Variants in PBRM1 observed in about 807,000 individuals in gnomAD.
PBRM1 encodes the protein protein polybromo-1.
In PBRM1, 27 loss-of-function variants were observed where a neutral mutation model predicts 194.5. That is an observed-to-expected ratio of 0.14 (90% CI 0.10 to 0.19). The LOEUF is 0.19. PBRM1 is among the 10% of genes least tolerant of loss of function. The pLI is 1.00. For synonymous variants in PBRM1, 655 were observed against 693.2 expected, an observed-to-expected ratio of 0.94 and a Z score of 0.87; for missense variants, 1,466 against 2,077.2, an observed-to-expected ratio of 0.71 and a Z score of 5.72.
exon 13 of PBRM1, chr3:52,627,348 C>T (rs2153580203): frequency 6.2e-7 from 1 of 1,613,084 alleles, no homozygotes; most frequent in Non-Finnish European, 8.5e-7. Flanking sequence ...ATCGTCTCTC[C>T]TGGCAAGCTC....
At chr3:52,619,252 T>C (rs1232958299) in intron 13 of PBRM1, among the ~76,000 whole-genome samples, 5 of 152,218 alleles carry the variant, frequency 3.3e-5, no homozygotes, top group Admixed American at 2.0e-4. Context: ...CATCCCTTGG[T>C]ATTCATGGGG....
chr3:52,598,790 G>A (rs1478716063), intron 17 of PBRM1, among the ~76,000 whole-genome samples: 1 of 152,176 alleles, frequency 6.6e-6, no homozygotes, highest in African/African-American at 2.4e-5. Context: ...GGAGGCGGAA[G>A]CAGGCAGATG....
intron 11 of PBRM1, among the ~76,000 whole-genome samples, chr3:52,634,386 G>A (rs113304316): frequency 8.6e-5 from 12 of 140,284 alleles, no homozygotes; most frequent in East Asian, 8.4e-4. Context: ...GCAGTGAGCC[G>A]AGATCACGCC....
At chr3:52,587,589 T>A (rs1358905563) in intron 18 of PBRM1, 79 bp from the exon 21 acceptor site, 15 of 1,058,772 alleles carry the variant, frequency 1.4e-5, no homozygotes, top group Non-Finnish European at 2.0e-5. Context: ...TTTTTTTTTT[T>A]TAAAGAGACT....
In PBRM1 at chr3:52,601,920, C is replaced by T. The variant is rs141976139; in HGVS notation, c.2779+1601G>A. Reference sequence around the variant, plus strand: ...ATGATAGGTGAGCTAGTACCCGGACCGACAGGTAACACATGAAGATGGGTG... The same window carrying T: ...ATGATAGGTGAGCTAGTACCCGGACTGACAGGTAACACATGAAGATGGGTG... On this transcript the variant is annotated intron_variant, in intron 17 of 29. Transcript: ENST00000296302. 5.2e-3 allele frequency among the ~76,000 whole-genome samples: 797 copies of T among 152,192 alleles called. 9 individuals carry two copies. The highest frequency in any genetic ancestry group is 0.018 in the African/African-American group (734 of 41,522).
intron 20 of PBRM1, among the ~76,000 whole-genome samples, chr3:52,581,500 CAAAA>C (rs1286694923): frequency 1.4e-5 from 1 of 73,918 alleles, no homozygotes; most frequent in Admixed American, 1.5e-4. Flanking sequence ...GACTCTGTCT[CAAAA>C]AAAAAAAAAA....
intron 13 of PBRM1, among the ~76,000 whole-genome samples, chr3:52,621,809 T>A (rs546342708): frequency 6.6e-6 from 1 of 152,244 alleles, no homozygotes; most frequent in South Asian, 2.1e-4. Flanking sequence ...CTCAGCACTT[T>A]GGGAGGCTGA....
At chr3:52,680,788 A>G (rs144304440), upstream of PBRM1, among the ~76,000 whole-genome samples, 6 of 152,074 alleles carry the variant, frequency 3.9e-5, no homozygotes, top group East Asian at 9.7e-4. Context: ...CAGCCTCCAG[A>G]GTATCTGGGA....
chr3:52,599,483 A>G (rs2093826707), intron 17 of PBRM1, among the ~76,000 whole-genome samples: 1 of 152,056 alleles, frequency 6.6e-6, no homozygotes, highest in Admixed American at 6.6e-5. Context: ...ACATAACTAT[A>G]AACTTCAGGG....
intron 10 of PBRM1, among the ~76,000 whole-genome samples, chr3:52,637,919 C>G (rs976143286): frequency 1.3e-5 from 2 of 151,816 alleles, no homozygotes; most frequent in East Asian, 3.9e-4. Context: ...GCACTCCAGC[C>G]TGGGCAACAA....
At chr3:52,616,856 G>T (rs2094985582) in intron 14 of PBRM1, among the ~76,000 whole-genome samples, 1 of 152,174 alleles carries the variant, frequency 6.6e-6, no homozygotes, top group Non-Finnish European at 1.5e-5. Context: ...GATGATGAAA[G>T]ATTTTAATAC....
chr3:52,589,837 ATT>A (rs1161650115), intron 17 of PBRM1, among the ~76,000 whole-genome samples: 2 of 151,874 alleles, frequency 1.3e-5, no homozygotes, highest in East Asian at 1.9e-4. Context: ...TTATTTATTT[ATT>A]TTTTTCGAGA....
rs757355604 is a variant in PBRM1 at position 52,644,690 on chromosome 3, T to C, written c.899+14A>G. The stretch of plus-strand genomic sequence containing the variant: ...GAGCCACCACGCCCAGCCTAGACAT[T>C]TTCTTAAACCTACCTCATTCGAAGA... On this transcript the variant is annotated intron_variant, in intron 8 of 29. Transcript: ENST00000296302. 6 of 1,404,292 alleles carry C rather than the reference T, an allele frequency of 4.3e-6. No homozygotes were observed. Among genetic ancestry groups the C allele is most frequent in the Non-Finnish European group, 6.0e-6 (6 of 998,714 alleles). 87.0% of individuals were successfully genotyped at this position (1,404,292 alleles called of 1,614,324 possible). A position where few individuals can be genotyped will look rare whatever the true frequency, so the allele number is the denominator to read the frequency against.
intron 9 of PBRM1, 82 bp from the exon 11 acceptor site, chr3:52,642,127 A>G (rs2153709959): frequency 1.3e-6 from 1 of 777,312 alleles, no homozygotes; most frequent in Admixed American, 2.1e-5. Context: ...AACTATTAAC[A>G]AAGTGTTAAG....
intron 22 of PBRM1, among the ~76,000 whole-genome samples, chr3:52,567,841 G>T (rs1171659965): frequency 6.2e-5 from 9 of 144,872 alleles, no homozygotes; most frequent in Non-Finnish European, 7.5e-5. Context: ...TAGAAATGGG[G>T]TTTCACCATG....
At chr3:52,567,982 A>G (rs2085884558) in intron 22 of PBRM1, among the ~76,000 whole-genome samples, 1 of 150,446 alleles carries the variant, frequency 6.6e-6, no homozygotes, top group Non-Finnish European at 1.5e-5. Context: ...AATCACTGGT[A>G]GTTTCTTTTT....
At chr3:52,628,977 A>C in exon 12 of PBRM1, 1 of 1,610,708 alleles carries the variant, frequency 6.2e-7, no homozygotes, top group Non-Finnish European at 8.5e-7. Context: ...TCAAACATTA[A>C]ATTCAGATCA....
intron 26 of PBRM1, 44 bp downstream of exon 28, chr3:52,558,205 A>T: frequency 7.1e-7 from 1 of 1,403,208 alleles, no homozygotes; most frequent in Non-Finnish European, 9.5e-7. Context: ...AAAATGAAGG[A>T]ATTTCTTAAA....
intron 2 of PBRM1, among the ~76,000 whole-genome samples, chr3:52,673,542 T>A (rs547635689): frequency 6.7e-6 from 1 of 150,116 alleles, no homozygotes; most frequent in Admixed American, 6.6e-5. Context: ...CATAGTGGTG[T>A]ATGCCTGTAA....
Sources: gnomAD v4.1 joint callset for allele counts (sites outside exome capture counted in the v4.1 genomes callset) on GRCh38, gnomAD v4.1.1 for gene constraint, MANE v1.5 for transcripts, NCBI Gene and HGNC (gene_info 2026-07-23, HGNC 2026-07-21) for gene names.